VPS8: variants seen among roughly 807,000 people sequenced by gnomAD.
VPS8 encodes vacuolar protein sorting-associated protein 8 homolog.
VPS8 carries 129 observed loss-of-function variants against 216.4 expected under a neutral mutation model. That is an observed-to-expected ratio of 0.60 (90% CI 0.52 to 0.69). VPS8 has a LOEUF of 0.69. Ranked by LOEUF, VPS8 falls within the 30% of genes least tolerant of loss-of-function variation. VPS8 has a pLI of 0.00. For missense variants in VPS8, 1,531 were observed against 1,683.5 expected (o/e 0.91, Z 1.59); for synonymous variants, 571 against 565.4 (o/e 1.01, Z -0.14).
At chr3:184,866,040 A>G (rs7616305) in intron 16 of VPS8, among the ~76,000 whole-genome samples, 33,328 of 151,828 alleles carry the variant, frequency 0.22, 4,866 homozygotes, top group African/African-American at 0.42. Flanking sequence ...CAGAAGTTCT[A>G]CTCCTAGGTG....
intron 46 of VPS8, among the ~76,000 whole-genome samples, chr3:185,032,914 G>A (rs1175133704): frequency 1.3e-5 from 2 of 152,306 alleles, no homozygotes; most frequent in East Asian, 3.9e-4. Context: ...TGATCCGCCT[G>A]CCTGGGCCTC....
At chr3:184,985,887 G>A (rs1450140250) in intron 42 of VPS8, among the ~76,000 whole-genome samples, 1 of 152,128 alleles carries the variant, frequency 6.6e-6, no homozygotes, top group Non-Finnish European at 1.5e-5. Flanking sequence ...ACACACAAAT[G>A]GATACAATGC....
chr3:184,970,174 A>G (rs1748175946), intron 39 of VPS8, among the ~76,000 whole-genome samples: 2 of 151,934 alleles, frequency 1.3e-5, no homozygotes, highest in Admixed American at 1.3e-4. Flanking sequence ...GGCCTCCCAA[A>G]GTGCTGGGAT....
chr3:185,045,108 A>G (rs534247455), intron 46 of VPS8, among the ~76,000 whole-genome samples: 3 of 53,286 alleles, frequency 5.6e-5, no homozygotes, highest in East Asian at 2.2e-3. Context: ...GCAGGCAGGG[A>G]GAAAAGGTGG....
chr3:185,047,165 C>T (rs541353797), intron 46 of VPS8, among the ~76,000 whole-genome samples: 20 of 152,298 alleles, frequency 1.3e-4, no homozygotes, highest in Admixed American at 1.1e-3. Context: ...CACATCAGGA[C>T]GAGGGCCACA....
intron 46 of VPS8, among the ~76,000 whole-genome samples, chr3:185,025,681 G>C (rs1757246041): frequency 6.6e-6 from 1 of 152,182 alleles, no homozygotes; most frequent in African/African-American, 2.4e-5. Context: ...AAAGAGCTGG[G>C]GGAGCCTGTC....
At chr3:184,941,010 T>A (rs1170418901) in intron 36 of VPS8, among the ~76,000 whole-genome samples, 1 of 152,244 alleles carries the variant, frequency 6.6e-6, no homozygotes, top group African/African-American at 2.4e-5. Context: ...AATATTTTGA[T>A]GCACACCTAG....
At chr3:185,034,519 A>G (rs774565435) in intron 46 of VPS8, among the ~76,000 whole-genome samples, 15 of 152,124 alleles carry the variant, frequency 9.9e-5, no homozygotes, top group African/African-American at 3.1e-4. Flanking sequence ...TTAACTCCCT[A>G]TAGAGTCTGG....
intron 25 of VPS8, among the ~76,000 whole-genome samples, chr3:184,912,043 G>A (rs946147560): frequency 6.6e-6 from 1 of 152,132 alleles, no homozygotes; most frequent in African/African-American, 2.4e-5. Flanking sequence ...TTGTTTCCCT[G>A]TAACCATTCG....
Position 184,934,840 on chromosome 3 carries a change from C to G in VPS8, c.2899-1406C>G, listed in dbSNP as rs567728271. On this transcript the variant is annotated intron_variant, in intron 34 of 47. Transcript: ENST00000625842. ...TTTTGTCCTATTGGGTTTAAGGTGT[C>G]AAAATGTTACTAGCCTCTTACAATG... Among the ~76,000 whole-genome samples, 8 of 152,188 alleles carry G rather than the reference C, an allele frequency of 5.3e-5. No homozygotes were observed. In the East Asian group the frequency reaches 1.5e-3, roughly 29 times the overall value.
intron 24 of VPS8, among the ~76,000 whole-genome samples, chr3:184,900,282 T>C (rs1205684123): frequency 6.6e-6 from 1 of 152,198 alleles, no homozygotes; most frequent in East Asian, 1.9e-4. Context: ...GCAGGAACAC[T>C]CAGTAATAAG....
chr3:184,884,936 A>G (rs1730937625), intron 21 of VPS8, among the ~76,000 whole-genome samples: 1 of 152,204 alleles, frequency 6.6e-6, no homozygotes, highest in Non-Finnish European at 1.5e-5. Context: ...TCCTCCTGCC[A>G]CCAACTCCCC....
chr3:184,971,743 G>A lies in VPS8; in HGVS notation c.3411G>A (p.Gln1137=). The A allele has an allele frequency of 1.2e-6, 2 of 1,612,512 alleles. No homozygotes were observed. The highest frequency in any genetic ancestry group is 1.7e-6 in the Non-Finnish European group (2 of 1,179,048). Residue 1137 remains glutamine (Q), a synonymous_variant, in exon 40 of 48, where the codon CAG becomes CAA. Transcript: ENST00000625842. ...CQRNSHNLNQ[Q]QREALWFPLL... is the part of the protein sequence containing the mutation. ...GAAATTCACATAATTTGAACCAGCAGCAACGTGAGGTAGGAGAATGACTGT... is the reference window on the plus strand; with the variant it reads ...GAAATTCACATAATTTGAACCAGCAACAACGTGAGGTAGGAGAATGACTGT...
In VPS8 at chr3:184,894,824, G is replaced by A; in HGVS notation, c.1903G>A (p.Val635Ile). Residue 635 changes from valine to isoleucine, a missense_variant, in exon 23 of 48, where the codon GTA becomes ATA. Val to Ile is a conservative substitution (Grantham distance 29). This residue lies in a region of VPS8 where 1,318 missense variants were observed against 1,468.4 expected (regional missense o/e 0.90). Coordinates refer to ENST00000625842, the MANE Select transcript of VPS8 (RefSeq NM_001009921.3). ...TAAATTGGTGGGAATCACACCCCAA[G>A]TAATGAAAGACTTGATTGTTCATTT... ...SDKLVGITPQ[V>I]MKDLIVHFQD... The A allele has an allele frequency of 6.2e-7, 1 of 1,610,622 alleles. No homozygotes were observed. The highest frequency in any genetic ancestry group is 8.5e-7 in the Non-Finnish European group (1 of 1,178,266).
intron 45 of VPS8, among the ~76,000 whole-genome samples, chr3:185,017,813 C>T (rs949332495): frequency 3.3e-5 from 5 of 152,004 alleles, no homozygotes; most frequent in Non-Finnish European, 5.9e-5. Flanking sequence ...GGAAAGGTCC[C>T]GGTTTGGAAT....
At chr3:185,040,764 T>C (rs1224101088) in intron 46 of VPS8, among the ~76,000 whole-genome samples, 1 of 152,212 alleles carries the variant, frequency 6.6e-6, no homozygotes, top group Non-Finnish European at 1.5e-5. Flanking sequence ...ACATGTGCTA[T>C]TCATGCACAT....
intron 39 of VPS8, among the ~76,000 whole-genome samples, chr3:184,966,928 G>T (rs1295066154): frequency 2.0e-5 from 3 of 151,718 alleles, no homozygotes; most frequent in Non-Finnish European, 4.4e-5. Flanking sequence ...GTTAATTTTC[G>T]GTGGAGTTAA....
intron 13 of VPS8, among the ~76,000 whole-genome samples, chr3:184,854,517 C>T (rs1002215444): frequency 1.3e-5 from 2 of 152,222 alleles, no homozygotes; most frequent in African/African-American, 2.4e-5. Context: ...TAACTTCATG[C>T]ATGGCATTTC....
chr3:184,841,636 G>T (rs1253135499), intron 7 of VPS8, among the ~76,000 whole-genome samples: 1 of 152,112 alleles, frequency 6.6e-6, no homozygotes, highest in African/African-American at 2.4e-5. Context: ...TCATCTAATG[G>T]CCCCCTAGAA....
Sources: gnomAD v4.1 joint callset for allele counts (sites outside exome capture counted in the v4.1 genomes callset) on GRCh38, gnomAD v4.1.1 for gene constraint, gnomAD v4.1.1 regional missense constraint, MANE v1.5 for transcripts, NCBI Gene and HGNC (gene_info 2026-07-23, HGNC 2026-07-21) for gene names.